The following ZSWIM5 variants were observed in gnomAD, a reference collection of about 807,000 sequenced individuals.
ZSWIM5 encodes the protein zinc finger SWIM domain-containing protein 5.
A neutral mutation model predicts 119.6 loss-of-function variants in ZSWIM5; 55 were observed. The observed-to-expected ratio is 0.46, with a 90% CI of 0.37 to 0.58. ZSWIM5 has a LOEUF of 0.58. Ranked by LOEUF, ZSWIM5 falls within the 20% of genes least tolerant of loss-of-function variation. ZSWIM5 has a pLI of 0.00. For missense variants in ZSWIM5, 1,193 were observed against 1,512.8 expected (o/e 0.79, Z 3.51); for synonymous variants, 537 against 606.9 (o/e 0.88, Z 1.69).
chr1:45,054,213 G>C (rs1459054115), intron 4 of ZSWIM5, among the ~76,000 whole-genome samples: 2 of 152,150 alleles, frequency 1.3e-5, no homozygotes, highest in Non-Finnish European at 2.9e-5. Flanking sequence ...AGGAGTTTGA[G>C]TTGCAGTGAG....
At chr1:45,094,769 T>C (rs1645390106) in intron 1 of ZSWIM5, among the ~76,000 whole-genome samples, 1 of 149,880 alleles carries the variant, frequency 6.7e-6, no homozygotes, top group South Asian at 2.1e-4. Flanking sequence ...CCCAGATACT[T>C]GGGGGGTTGA....
chr1:45,040,910 TA>T (rs1457494420), intron 6 of ZSWIM5, among the ~76,000 whole-genome samples: 2 of 152,178 alleles, frequency 1.3e-5, no homozygotes, highest in African/African-American at 4.8e-5. Context: ...GAAAACCTAT[TA>T]AATGCCAGGG....
At chr1:45,075,585 CTA>C (rs1448285499) in intron 2 of ZSWIM5, among the ~76,000 whole-genome samples, 1 of 151,998 alleles carries the variant, frequency 6.6e-6, no homozygotes, top group African/African-American at 2.4e-5. Context: ...AATTTTCAGT[CTA>C]TGTTTGTCTT....
At chr1:45,137,726 G>C (rs1327858086) in intron 1 of ZSWIM5, among the ~76,000 whole-genome samples, 1 of 152,232 alleles carries the variant, frequency 6.6e-6, no homozygotes, top group Non-Finnish European at 1.5e-5. Context: ...GGATGAGCTA[G>C]TGGGACAGTA....
At chr1:45,059,433 T>G (rs1645140897) in intron 3 of ZSWIM5, among the ~76,000 whole-genome samples, 1 of 152,226 alleles carries the variant, frequency 6.6e-6, no homozygotes, top group African/African-American at 2.4e-5. Flanking sequence ...ATGATTCCAT[T>G]CATATGAAAG....
intron 1 of ZSWIM5, among the ~76,000 whole-genome samples, chr1:45,186,630 G>A (rs1646060988): frequency 6.6e-6 from 1 of 152,032 alleles, no homozygotes; most frequent in African/African-American, 2.4e-5. Flanking sequence ...TTTTGAGACA[G>A]TGTCTCGCTC....
intron 2 of ZSWIM5, among the ~76,000 whole-genome samples, chr1:45,067,447 A>AG (rs1277658355): frequency 7.8e-5 from 6 of 76,844 alleles, no homozygotes; most frequent in South Asian, 6.9e-4. Flanking sequence ...CTCAAAAAAA[A>AG]AAAAAAAGAA....
chr1:45,170,648 T>G (rs1340373938), intron 1 of ZSWIM5, among the ~76,000 whole-genome samples: 1 of 152,036 alleles, frequency 6.6e-6, no homozygotes, highest in Non-Finnish European at 1.5e-5. Flanking sequence ...AGGCTGGCTT[T>G]GAACTCCTTG....
In ZSWIM5 at chr1:45,089,873, G is replaced by A. The variant is rs1395793070; in HGVS notation, c.596-1636C>T. ...CCTGTAGTCCCAGCTACACATATAA[G>A]TAAATGATTACAATATGATGTGCCA... On this transcript the variant is annotated intron_variant, in intron 1 of 13. Transcript: ENST00000359600. Among the ~76,000 whole-genome samples, 4 of 152,108 alleles carry A rather than the reference G, an allele frequency of 2.6e-5. No individual in the cohort carries two copies. The South Asian group carries it at 6.2e-4, about 24-fold the overall frequency.
intron 1 of ZSWIM5, among the ~76,000 whole-genome samples, chr1:45,200,030 A>G (rs1195683246): frequency 6.6e-6 from 1 of 152,214 alleles, no homozygotes; most frequent in Admixed American, 6.5e-5. Flanking sequence ...TTGAGCCACA[A>G]ATGCCAATAC....
intron 6 of ZSWIM5, among the ~76,000 whole-genome samples, chr1:45,040,865 A>G (rs1263825359): frequency 6.6e-6 from 1 of 152,222 alleles, no homozygotes; most frequent in East Asian, 1.9e-4. Flanking sequence ...CCTAATGGGA[A>G]AAGTCTCATT....
chr1:45,120,731 C>G (rs1378854037), intron 1 of ZSWIM5, among the ~76,000 whole-genome samples: 1 of 151,954 alleles, frequency 6.6e-6, no homozygotes, highest in Non-Finnish European at 1.5e-5. Context: ...CTGCCTTGGC[C>G]TCTCAAAGTG....
At position 45,092,548 on chromosome 1, in the gene ZSWIM5, C is replaced by T. The variant is rs532434407; in HGVS notation, c.596-4311G>A. ...GTGACCTCGTGATCCACCCCCCCCC[C>T]CCCGCCAGCCTTACAAAGTGCTAGG... On this transcript the variant is annotated intron_variant, in intron 1 of 13. Transcript: ENST00000359600. Among the ~76,000 whole-genome samples, 23 of 113,550 alleles carry T rather than the reference C, an allele frequency of 2.0e-4. 3 individuals are homozygous for T. In the East Asian group the frequency reaches 5.8e-3, roughly 28 times the overall value. The allele number at this position is 113,550 out of a possible 152,430, so 74.5% of individuals were successfully genotyped here. A position where few individuals can be genotyped will look rare whatever the true frequency, so the allele number is the denominator to read the frequency against.
intron 1 of ZSWIM5, among the ~76,000 whole-genome samples, chr1:45,094,050 T>C (rs77952288): frequency 0.15 from 22,905 of 148,248 alleles, 1,835 homozygotes; most frequent in African/African-American, 0.16. Flanking sequence ...TATTTATTTA[T>C]TTATTTATTT....
rs140409026 is a variant in ZSWIM5, at chr1:45,148,003, A to C, written c.595+57753T>G. Among the ~76,000 whole-genome samples, 993 of 152,328 alleles carry C rather than the reference A, an allele frequency of 6.5e-3. 6 individuals are homozygous for C. Among genetic ancestry groups the C allele is most frequent in the African/African-American group, 0.023 (953 of 41,578 alleles). On this transcript the variant is annotated intron_variant, in intron 1 of 13. Coordinates refer to ENST00000359600, the MANE Select transcript of ZSWIM5 (RefSeq NM_020883.2). Reference sequence around the variant, plus strand: ...AGGTGAAGGGATTGTAATCAAACAAAGTGGTTTGCAGTCTGTCATTTCATA... The same window carrying C: ...AGGTGAAGGGATTGTAATCAAACAACGTGGTTTGCAGTCTGTCATTTCATA...
At chr1:45,162,115 T>C (rs934690868) in intron 1 of ZSWIM5, among the ~76,000 whole-genome samples, 38 of 152,238 alleles carry the variant, frequency 2.5e-4, no homozygotes, top group African/African-American at 7.7e-4. Flanking sequence ...CATGTCACCA[T>C]ACTTGTTATT....
chr1:45,161,246 A>T (rs545299204), intron 1 of ZSWIM5, among the ~76,000 whole-genome samples: 1 of 152,174 alleles, frequency 6.6e-6, no homozygotes, highest in South Asian at 2.1e-4. Flanking sequence ...TGACATAGAG[A>T]TTTATTTTCC....
chr1:45,177,633 G>C (rs1557789667), intron 1 of ZSWIM5, among the ~76,000 whole-genome samples: 1 of 152,088 alleles, frequency 6.6e-6, no homozygotes, highest in Non-Finnish European at 1.5e-5. Context: ...TGAGCAATCA[G>C]TTGCTACTTG....
rs746977317 is a variant in ZSWIM5, at chr1:45,206,186, C to T, written c.165G>A (p.Gly55=). The T allele has an allele frequency of 6.2e-7, 1 of 1,605,070 alleles. No homozygotes were observed. The highest frequency in any genetic ancestry group is 1.7e-5 in the Admixed American group (1 of 59,104). Residue 55 remains glycine, a synonymous_variant, in exon 1 of 14, where the codon GGG becomes GGA. Coordinates refer to ENST00000359600, the MANE Select transcript of ZSWIM5 (RefSeq NM_020883.2). ...AATCCGGCTGCAGGTGGGGGCGGGCCCCGAGGACCAGGCAGCTGCTGCCGA... is the reference window on the plus strand; with the variant it reads ...AATCCGGCTGCAGGTGGGGGCGGGCTCCGAGGACCAGGCAGCTGCTGCCGA... ...GGVGSSCLVL[G]ARPHLQPDSL...
Sources: allele counts gnomAD v4.1 joint callset (sites outside exome capture counted in the v4.1 genomes callset), GRCh38; gene constraint gnomAD v4.1.1; transcripts MANE v1.5; gene names NCBI Gene and HGNC (gene_info 2026-07-23, HGNC 2026-07-21).